The following TMEM242 variants were observed in gnomAD, a reference collection of about 807,000 sequenced individuals.
TMEM242 encodes the protein UPF0463 transmembrane protein C6orf35.
TMEM242 carries 10 observed loss-of-function variants against 18.2 expected under a neutral mutation model. The ratio of observed to expected loss-of-function variants is 0.55; its 90% CI spans 0.34 to 0.93. The LOEUF (loss-of-function observed/expected upper bound fraction) is 0.93. Ranked by LOEUF, TMEM242 falls within the 40% of genes least tolerant of loss-of-function variation. TMEM242 has a pLI of 0.02. For missense variants in TMEM242, 186 were observed against 175.5 expected, an observed-to-expected ratio of 1.06 and a Z score of -0.34; for synonymous variants, 57 against 69.9, an observed-to-expected ratio of 0.81 and a Z score of 0.92.
At chr6:157,294,887 A>G (rs774216681) in intron 3 of TMEM242, among the ~76,000 whole-genome samples, 6 of 152,190 alleles carry the variant, frequency 3.9e-5, no homozygotes, top group Non-Finnish European at 7.3e-5. Context: ...TACTCTATTA[A>G]GCCATACTTT....
At chr6:157,323,244 A>G (rs1183713012) in intron 1 of TMEM242, among the ~76,000 whole-genome samples, 168 bp downstream of exon 1, 1 of 152,138 alleles carries the variant, frequency 6.6e-6, no homozygotes, top group Non-Finnish European at 1.5e-5. Flanking sequence ...TCCACCCAGT[A>G]AGCGACCTAC....
At chr6:157,313,898 C>T (rs1778314059) in intron 3 of TMEM242, among the ~76,000 whole-genome samples, 1 of 151,600 alleles carries the variant, frequency 6.6e-6, no homozygotes, top group Non-Finnish European at 1.5e-5. Flanking sequence ...AGTGTGCGCT[C>T]ACCTGGCCTC....
At chr6:157,318,668 T>C (rs946928372) in intron 3 of TMEM242, 114 bp downstream of exon 3, 4 of 1,201,510 alleles carry the variant, frequency 3.3e-6, no homozygotes, top group Non-Finnish European at 4.7e-6. Flanking sequence ...TCTGTCATCA[T>C]CTCCCTAGAC....
At chr6:157,311,501 C>A (rs587662558) in intron 3 of TMEM242, among the ~76,000 whole-genome samples, 1 of 124,706 alleles carries the variant, frequency 8.0e-6, no homozygotes, top group African/African-American at 3.0e-5. Context: ...CACCTAGCCT[C>A]AGCATAGTGC....
chr6:157,297,571 C>T (rs1284955231), intron 3 of TMEM242, among the ~76,000 whole-genome samples: 1 of 152,198 alleles, frequency 6.6e-6, no homozygotes, highest in South Asian at 2.1e-4. Context: ...CAGTGAGTCC[C>T]ATTATATGAC....
intron 3 of TMEM242, among the ~76,000 whole-genome samples, chr6:157,304,403 T>G (rs1554247749): frequency 7.2e-6 from 1 of 138,936 alleles, no homozygotes; most frequent in Admixed American, 8.0e-5. Context: ...AGGCAGAGGT[T>G]TCAGTGAGCC....
intron 1 of TMEM242, 39 bp downstream of exon 1, chr6:157,323,373 C>T: frequency 6.3e-7 from 1 of 1,599,720 alleles, no homozygotes; most frequent in South Asian, 1.1e-5. Flanking sequence ...CCGGGGTTAA[C>T]TCACCCCGAC....
intron 3 of TMEM242, among the ~76,000 whole-genome samples, chr6:157,304,104 A>G (rs960771350): frequency 3.9e-5 from 6 of 152,238 alleles, no homozygotes; most frequent in African/African-American, 1.4e-4. Context: ...AATATAAAAG[A>G]GCCACTTGTG....
At chr6:157,320,044 A>T (rs1467558783) in intron 2 of TMEM242, among the ~76,000 whole-genome samples, 1 of 152,248 alleles carries the variant, frequency 6.6e-6, no homozygotes, top group Non-Finnish European at 1.5e-5. Flanking sequence ...GCAACTGTGA[A>T]GTGCACTGAC....
Position 157,296,846 on chromosome 6 carries a change from T to TA in TMEM242, c.328-3848dup, listed in dbSNP as rs1419343004. On this transcript the variant is annotated intron_variant, in intron 3 of 3. Transcript: ENST00000400788. ...TGTGTCCAACAGTGCTGCATTGTCA[T>TA]AGTCACAGAAAGTACCACCATCTGA... Among the ~76,000 whole-genome samples, 9 of 152,320 alleles carry TA rather than the reference T, an allele frequency of 5.9e-5. No individual in the cohort carries two copies. In the Middle Eastern group the frequency reaches 0.01, roughly 173 times the overall value.
rs761264845 is a variant in TMEM242 at position 157,292,142 on chromosome 6, T to C, written c.*759A>G. 2 of 152,188 alleles carry C rather than the reference T, an allele frequency of 1.3e-5. No homozygotes were observed. The highest frequency in any genetic ancestry group is 2.9e-5 in the Non-Finnish European group (2 of 68,034). The allele number at this position is 152,188 out of a possible 1,614,324, so 9.4% of individuals were successfully genotyped here. ...CGGATGACAACTGGGCTTTTTTTAC[T>C]TTGACAACTGAGACAAAATGACAAA... On this transcript the variant is annotated 3_prime_UTR_variant, in exon 4 of 4. Coordinates refer to ENST00000400788, the MANE Select transcript of TMEM242 (RefSeq NM_018452.6).
chr6:157,312,521 A>AGTGTG (rs1562384976), intron 3 of TMEM242, among the ~76,000 whole-genome samples: 3 of 146,668 alleles, frequency 2.0e-5, no homozygotes, highest in Admixed American at 6.8e-5. Context: ...GCCTCATCAT[A>AGTGTG]CCGCCCCAGT....
Position 157,291,852 on chromosome 6 carries a change from A to G in TMEM242, c.*1049T>C, listed in dbSNP as rs1554246847. On this transcript the variant is annotated 3_prime_UTR_variant, in exon 4 of 4. Transcript: ENST00000400788. The stretch of plus-strand genomic sequence containing the variant: ...AGTAGGAAGAAATTGCACAACTGAT[A>G]TTTAACTACAGGTTTTTTCTCTGGA... The G allele has an allele frequency of 6.6e-6, 1 of 152,250 alleles. No homozygotes were observed. The highest frequency in any genetic ancestry group is 1.5e-5 in the Non-Finnish European group (1 of 68,042). The allele number at this position is 152,250 out of a possible 1,614,324, so 9.4% of individuals were successfully genotyped here.
intron 3 of TMEM242, among the ~76,000 whole-genome samples, chr6:157,317,870 G>A (rs782312684): frequency 2.0e-5 from 3 of 151,842 alleles, no homozygotes; most frequent in Admixed American, 6.6e-5. Flanking sequence ...AAAATATATC[G>A]ACATCTGTTT....
Position 157,292,826 on chromosome 6 carries a change from G to C in TMEM242, c.*75C>G. The C allele has an allele frequency of 8.5e-7, 1 of 1,182,186 alleles. No homozygotes were observed. Among genetic ancestry groups the C allele is most frequent in the Non-Finnish European group, 1.3e-6 (1 of 799,222 alleles). 73.2% of individuals were successfully genotyped at this position (1,182,186 alleles called of 1,614,324 possible). ...ATGTTCCTGGGAGAAATCAGTCCCA[G>C]TCCTTTTGCTGTCATGGTGTCTCCA... On this transcript the variant is annotated 3_prime_UTR_variant, in exon 4 of 4. Coordinates refer to ENST00000400788, the MANE Select transcript of TMEM242 (RefSeq NM_018452.6).
chr6:157,312,351 C>A (rs1778174170), intron 3 of TMEM242, among the ~76,000 whole-genome samples: 1 of 137,740 alleles, frequency 7.3e-6, no homozygotes, highest in Non-Finnish European at 1.6e-5. Flanking sequence ...CACCTAGCCT[C>A]ATCATGTCCC....
At position 157,318,617 on chromosome 6, in the gene TMEM242, TAAG is replaced by T. The variant is rs1348742520; in HGVS notation, c.327+162_327+164del. 8.8e-5 allele frequency: 61 copies of T among 694,236 alleles called. 1 individual carries two copies. Among genetic ancestry groups the T allele is most frequent in the African/African-American group, 5.8e-4 (32 of 55,360 alleles). 43.0% of individuals were successfully genotyped at this position (694,236 alleles called of 1,614,324 possible). On this transcript the variant is annotated intron_variant, in intron 3 of 3. Transcript: ENST00000400788. The stretch of plus-strand genomic sequence containing the variant: ...CTTCAAAAATTGTATTTATTAGTAA[TAAG>T]AAGTTGTCTAGTTATTTGTAAGAAT...
intron 3 of TMEM242, among the ~76,000 whole-genome samples, chr6:157,306,490 G>T (rs1413650943): frequency 6.6e-6 from 1 of 152,174 alleles, no homozygotes; most frequent in Non-Finnish European, 1.5e-5. Flanking sequence ...TTCACGGGGA[G>T]AATGACTCAG....
At position 157,306,370 on chromosome 6, in the gene TMEM242, C is replaced by T. The variant is rs587668699; in HGVS notation, c.327+12412G>A. ...CATCAACTATAGTGGCTGTGGGGGT[C>T]AGGGAAAAGCAAGATGTGGTGACTG... On this transcript the variant is annotated intron_variant, in intron 3 of 3. Coordinates refer to ENST00000400788, the MANE Select transcript of TMEM242 (RefSeq NM_018452.6). Among the ~76,000 whole-genome samples, 4 of 152,258 alleles carry T rather than the reference C, an allele frequency of 2.6e-5. No individual in the cohort carries two copies. The East Asian group carries it at 7.7e-4, about 29-fold the overall frequency.
Sources: gnomAD v4.1 joint callset for allele counts (sites outside exome capture counted in the v4.1 genomes callset) on GRCh38, gnomAD v4.1.1 for gene constraint, MANE v1.5 for transcripts, NCBI Gene and HGNC (gene_info 2026-07-23, HGNC 2026-07-21) for gene names.